The following ANKRD30B variants were observed in gnomAD, a reference collection of about 807,000 sequenced individuals.
ANKRD30B encodes ankyrin repeat domain-containing protein 30B.
Under a neutral mutation model 202.2 loss-of-function variants are expected in ANKRD30B, and 144 were observed. That is an observed-to-expected ratio of 0.71 (90% confidence interval 0.62 to 0.82). The LOEUF (loss-of-function observed/expected upper bound fraction) is 0.82, where lower values mean the gene tolerates loss of function less well. ANKRD30B is among the 40% of genes least tolerant of loss of function. ANKRD30B has a pLI of 0.00. For missense variants in ANKRD30B, 1,487 were observed against 1,669.1 expected, an observed-to-expected ratio of 0.89 and a Z score of 1.90; for synonymous variants, 508 against 561.3, an observed-to-expected ratio of 0.91 and a Z score of 1.34.
the ANKRD30B span, among the ~76,000 whole-genome samples, chr18:14,892,129 A>T: frequency 3.3e-5 from 5 of 152,248 alleles, no homozygotes; most frequent in Admixed American, 3.3e-4. Flanking sequence ...TTTTCCTTCA[A>T]GTCTCTTTAC....
the ANKRD30B span, among the ~76,000 whole-genome samples, chr18:14,869,703 T>G: frequency 6.6e-6 from 1 of 151,026 alleles, no homozygotes; most frequent in African/African-American, 2.4e-5. Flanking sequence ...TAAGCATGAT[T>G]ACAAATACTT....
chr18:14,895,105 A>G, the ANKRD30B span, among the ~76,000 whole-genome samples: 1 of 130,288 alleles, frequency 7.7e-6, no homozygotes, highest in Non-Finnish European at 1.7e-5. Flanking sequence ...TTAGGGACAT[A>G]AAGATGGCAA....
chr18:14,905,276 A>G, the ANKRD30B span, among the ~76,000 whole-genome samples: 1,176 of 152,296 alleles, frequency 7.7e-3, 11 homozygotes, highest in African/African-American at 0.027. Flanking sequence ...ACTTTACTGT[A>G]TGGACTCACC....
chr18:14,905,100 T>C, the ANKRD30B span, among the ~76,000 whole-genome samples: 1 of 152,220 alleles, frequency 6.6e-6, no homozygotes, highest in Non-Finnish European at 1.5e-5. Flanking sequence ...AGTTTACAAA[T>C]GCCATGGCAA....
At chr18:14,920,048 C>T in the ANKRD30B span, among the ~76,000 whole-genome samples, 1 of 152,220 alleles carries the variant, frequency 6.6e-6, no homozygotes, top group Non-Finnish European at 1.5e-5. Context: ...GGCAAATCAG[C>T]TGAGGCCCAA....
the ANKRD30B span, among the ~76,000 whole-genome samples, chr18:14,869,752 T>C: frequency 3.6e-4 from 54 of 151,948 alleles, no homozygotes; most frequent in African/African-American, 1.3e-3. Context: ...AGTCTAAAAG[T>C]TATAAAATGC....
intron 36 of ANKRD30B, among the ~76,000 whole-genome samples, chr18:14,838,833 G>A (rs1418411125): frequency 2.0e-5 from 3 of 152,228 alleles, no homozygotes; most frequent in African/African-American, 7.2e-5. Context: ...TGCATGTGAT[G>A]AAATAATGTT....
At chr18:14,931,961 T>C in the ANKRD30B span, among the ~76,000 whole-genome samples, 2,815 of 17,040 alleles carry the variant, frequency 0.17, 237 homozygotes, top group Middle Eastern at 0.28. Context: ...TCCCTCCTCC[T>C]TCCTCCCTCC....
the ANKRD30B span, among the ~76,000 whole-genome samples, chr18:14,934,812 C>A: frequency 2.0e-5 from 3 of 152,030 alleles, no homozygotes; most frequent in Non-Finnish European, 4.4e-5. Flanking sequence ...TGGCACAGAG[C>A]TGGCTTTTGG....
chr18:14,845,729 G>A (rs1470473878), intron 39 of ANKRD30B, among the ~76,000 whole-genome samples: 1 of 151,960 alleles, frequency 6.6e-6, no homozygotes, highest in Admixed American at 6.6e-5. Context: ...AACATAAATT[G>A]AATTCTCACA....
At chr18:14,779,344 G>A (rs1967574893) in intron 10 of ANKRD30B, among the ~76,000 whole-genome samples, 1 of 152,144 alleles carries the variant, frequency 6.6e-6, no homozygotes, top group Non-Finnish European at 1.5e-5. Flanking sequence ...AGCTATTGTT[G>A]CATTGAGGAA....
the ANKRD30B span, among the ~76,000 whole-genome samples, chr18:14,938,382 G>C: frequency 6.6e-6 from 1 of 152,168 alleles, no homozygotes; most frequent in Admixed American, 6.6e-5. Flanking sequence ...CACGCTTGCC[G>C]CCCTCTGCTC....
At chr18:14,755,134 C>T in intron 4 of ANKRD30B, 129 bp downstream of exon 4, 1 of 536,256 alleles carries the variant, frequency 1.9e-6, no homozygotes, top group Non-Finnish European at 3.1e-6. Flanking sequence ...CATATCAACA[C>T]AAATTATCAG....
chr18:14,840,360 A>C (rs1252928133), intron 36 of ANKRD30B, among the ~76,000 whole-genome samples: 1 of 152,132 alleles, frequency 6.6e-6, no homozygotes, highest in Non-Finnish European at 1.5e-5. Context: ...CAACATGGTG[A>C]AACCCTGTCT....
chr18:14,768,217 G>A (rs780551878), intron 7 of ANKRD30B, among the ~76,000 whole-genome samples: 23 of 152,306 alleles, frequency 1.5e-4, no homozygotes, highest in Middle Eastern at 3.4e-3. Flanking sequence ...TGGGATCAGA[G>A]ACCTTCCAGA....
intron 18 of ANKRD30B, 123 bp from the exon 19 acceptor site, chr18:14,797,538 A>G (rs1968997153): frequency 1.7e-6 from 2 of 1,143,342 alleles, no homozygotes; most frequent in South Asian, 1.3e-5. Context: ...GGACCCCAAA[A>G]CCTAGTGTAA....
chr18:14,837,408 A>C, intron 35 of ANKRD30B, 119 bp downstream of exon 35: 1 of 950,616 alleles, frequency 1.1e-6, no homozygotes, highest in Non-Finnish European at 1.5e-6. Context: ...AGCCCAAAAT[A>C]CAATGTCTAC....
the ANKRD30B span, among the ~76,000 whole-genome samples, chr18:14,868,396 T>C: frequency 6.6e-6 from 1 of 152,290 alleles, no homozygotes; most frequent in Non-Finnish European, 1.5e-5. Flanking sequence ...TGTTTTGTTC[T>C]TAACAGAATT....
rs568765001 is a variant in ANKRD30B, at chr18:14,805,905, G to A, written c.2284+2081G>A. ...AGCAACTTTTTATTTTTTGTTCAGC[G>A]ATTAGCTTGTTTTTCATTTATTTAA... On this transcript the variant is annotated intron_variant, in intron 24 of 43. Coordinates refer to ENST00000690538, the MANE Select transcript of ANKRD30B (RefSeq NM_001367607.2). Among the ~76,000 whole-genome samples the A allele has an allele frequency of 8.7e-4, 130 of 149,854 alleles. 4 individuals carry two copies. The highest frequency in any genetic ancestry group is 5.8e-3 in the South Asian group (27 of 4,690).
Sources: allele counts gnomAD v4.1 joint callset (sites outside exome capture counted in the v4.1 genomes callset), GRCh38; gene constraint gnomAD v4.1.1; transcripts MANE v1.5; gene names NCBI Gene and HGNC (gene_info 2026-07-23, HGNC 2026-07-21).